The following ERCC8 variants were observed in gnomAD, a reference collection of about 807,000 sequenced individuals.
The protein encoded by ERCC8 is DNA excision repair protein ERCC-8.
In ERCC8, 52 loss-of-function variants were observed where a neutral mutation model predicts 54.9. That is an observed-to-expected ratio of 0.95 (90% CI 0.76 to 1.19). The LOEUF (loss-of-function observed/expected upper bound fraction) is 1.19, where lower values mean the gene tolerates loss of function less well. Ranked by LOEUF, ERCC8 falls within the 50% of genes most tolerant of loss-of-function variation. The pLI, the probability that ERCC8 is intolerant of heterozygous loss-of-function variation, is 0.00. For missense variants in ERCC8, 514 were observed against 466.1 expected, an observed-to-expected ratio of 1.10 and a Z score of -0.95; for synonymous variants, 146 against 157.2, an observed-to-expected ratio of 0.93 and a Z score of 0.53.
chr5:60,937,244 T>C (rs575660280), intron 1 of ERCC8, among the ~76,000 whole-genome samples: 1 of 152,186 alleles, frequency 6.6e-6, no homozygotes, highest in Non-Finnish European at 1.5e-5. Context: ...ACTGGTTTTG[T>C]GTTGGTTGGC....
chr5:60,899,841 AT>A (rs1748824816), intron 7 of ERCC8, 114 bp from the exon 8 acceptor site: 1 of 761,296 alleles, frequency 1.3e-6, no homozygotes, highest in Non-Finnish European at 2.3e-6. Flanking sequence ...GTACATATGT[AT>A]TCATACATTA....
At chr5:60,937,248 G>A (rs1170105657) in intron 1 of ERCC8, among the ~76,000 whole-genome samples, 1 of 152,186 alleles carries the variant, frequency 6.6e-6, no homozygotes, top group Non-Finnish European at 1.5e-5. Flanking sequence ...GTTTTGTGTT[G>A]GTTGGCCTCC....
intron 1 of ERCC8, among the ~76,000 whole-genome samples, chr5:60,934,739 TAGA>T (rs921975983): frequency 6.6e-6 from 1 of 152,248 alleles, no homozygotes; most frequent in Non-Finnish European, 1.5e-5. Flanking sequence ...TTGATTTTTG[TAGA>T]AGGTGAGAGA....
At chr5:60,891,189 C>G in intron 9 of ERCC8, 103 bp from the exon 10 acceptor site, 2 of 780,002 alleles carry the variant, frequency 2.6e-6, no homozygotes. Flanking sequence ...AAAAAGGGCT[C>G]TTTTAAATTT....
chr5:60,926,936 C>G (rs768456073), intron 2 of ERCC8, among the ~76,000 whole-genome samples: 8 of 152,126 alleles, frequency 5.3e-5, no homozygotes, highest in Non-Finnish European at 1.0e-4. Flanking sequence ...CATTAACTTT[C>G]TATTTGAAGT....
At chr5:60,901,226 A>G (rs978649287) in intron 7 of ERCC8, among the ~76,000 whole-genome samples, 7 of 152,114 alleles carry the variant, frequency 4.6e-5, no homozygotes, top group African/African-American at 1.7e-4. Context: ...CTTCTACTTC[A>G]TTAGATCCTT....
chr5:60,885,053 C>T (rs1748356138), intron 11 of ERCC8, among the ~76,000 whole-genome samples: 1 of 151,318 alleles, frequency 6.6e-6, no homozygotes, highest in African/African-American at 2.5e-5. Flanking sequence ...CACTCTGTCA[C>T]CCAGGCTGGA....
chr5:60,915,488 T>C (rs959114341), intron 4 of ERCC8, among the ~76,000 whole-genome samples: 4 of 152,100 alleles, frequency 2.6e-5, no homozygotes, highest in African/African-American at 9.7e-5. Flanking sequence ...AAGTACCACA[T>C]ACTTAGTAAT....
At chr5:60,877,666 GC>G (rs1207913563) in intron 11 of ERCC8, among the ~76,000 whole-genome samples, 1 of 150,582 alleles carries the variant, frequency 6.6e-6, no homozygotes, top group African/African-American at 2.4e-5. Flanking sequence ...TCGTGATTTG[GC>G]TGTTTGTCTG....
intron 11 of ERCC8, among the ~76,000 whole-genome samples, chr5:60,878,440 G>A (rs1209599420): frequency 6.6e-6 from 1 of 152,176 alleles, no homozygotes; most frequent in Admixed American, 6.6e-5. Context: ...AGTTTCAGAA[G>A]GAATGGTACC....
At chr5:60,892,954 C>T (rs1748609835) in intron 9 of ERCC8, 1 of 760,384 alleles carries the variant, frequency 1.3e-6, no homozygotes, top group South Asian at 1.4e-5. Flanking sequence ...TTCCCCAGAA[C>T]CCTCATGAGG....
At chr5:60,874,993 T>G (rs933759946) in intron 11 of ERCC8, among the ~76,000 whole-genome samples, 2 of 152,220 alleles carry the variant, frequency 1.3e-5, no homozygotes, top group African/African-American at 4.8e-5. Context: ...AAGGTATTTC[T>G]CAACAACTCT....
chr5:60,906,115 T>C (rs1749062562), intron 4 of ERCC8, among the ~76,000 whole-genome samples: 1 of 152,226 alleles, frequency 6.6e-6, no homozygotes, highest in Non-Finnish European at 1.5e-5. Flanking sequence ...GGGGAAGTTA[T>C]ATATCTTGTG....
At position 60,874,553 on chromosome 5, in the gene ERCC8, GA is replaced by G; in HGVS notation, c.*61del. Reference sequence around the variant, plus strand: ...GCTGTCAGGAATAGACCATACAGTTGAAAAAAACACAGTCTCATTTAAAAAG... The same window carrying G: ...GCTGTCAGGAATAGACCATACAGTTGAAAAAACACAGTCTCATTTAAAAAG... On this transcript the variant is annotated 3_prime_UTR_variant, in exon 12 of 12. Coordinates refer to ENST00000676185, the MANE Select transcript of ERCC8 (RefSeq NM_000082.4). 6.9e-7 allele frequency: 1 copy of G among 1,457,002 alleles called. No homozygotes were observed. The highest frequency in any genetic ancestry group is 9.6e-7 in the Non-Finnish European group (1 of 1,042,802). 90.3% of individuals were successfully genotyped at this position (1,457,002 alleles called of 1,614,324 possible).
At chr5:60,928,784 T>C in intron 2 of ERCC8, 80 bp downstream of exon 2, 1 of 794,386 alleles carries the variant, frequency 1.3e-6, no homozygotes, top group Non-Finnish European at 2.2e-6. Flanking sequence ...ATGAAACTTC[T>C]ACATCATTAA....
At chr5:60,880,448 C>A (rs952274470) in intron 11 of ERCC8, among the ~76,000 whole-genome samples, 11 of 152,160 alleles carry the variant, frequency 7.2e-5, no homozygotes, top group Non-Finnish European at 1.3e-4. Flanking sequence ...TGGATAATAT[C>A]CTGCAGAGTG....
intron 9 of ERCC8, among the ~76,000 whole-genome samples, chr5:60,893,918 A>T (rs1748645577): frequency 6.6e-6 from 1 of 151,414 alleles, no homozygotes; most frequent in East Asian, 1.9e-4. Flanking sequence ...ATCTTGCAAA[A>T]TTTTACCCAT....
intron 1 of ERCC8, among the ~76,000 whole-genome samples, chr5:60,938,350 A>ATTTTTTT (rs1231887020): frequency 4.9e-5 from 2 of 41,042 alleles, no homozygotes; most frequent in Non-Finnish European, 8.5e-5. Context: ...ACCTTTTTGA[A>ATTTTTTT]TTTTTTTTTT....
chr5:60,906,856 A>C (rs1309893308), intron 4 of ERCC8, among the ~76,000 whole-genome samples: 1 of 152,258 alleles, frequency 6.6e-6, no homozygotes, highest in African/African-American at 2.4e-5. Flanking sequence ...GGCAGCTTGA[A>C]GGCTAAAGGC....
Sources: allele counts gnomAD v4.1 joint callset (sites outside exome capture counted in the v4.1 genomes callset), GRCh38; gene constraint gnomAD v4.1.1; transcripts MANE v1.5; gene names NCBI Gene and HGNC (gene_info 2026-07-23, HGNC 2026-07-21).